SIX4: variants seen among roughly 807,000 people sequenced by gnomAD.
SIX4 encodes SIX homeobox 4, also known as homeobox protein SIX4.
A neutral mutation model predicts 51.5 loss-of-function variants in SIX4; 23 were observed. The observed-to-expected ratio is 0.45, with a 90% CI of 0.32 to 0.63. The LOEUF (loss-of-function observed/expected upper bound fraction) is 0.63. SIX4 is among the 30% of genes least tolerant of loss of function. The pLI, the probability that SIX4 is intolerant of heterozygous loss-of-function variation, is 0.04. For synonymous variants in SIX4, 413 were observed against 417.3 expected (o/e 0.99, Z 0.13); for missense variants, 867 against 984.0 (o/e 0.88, Z 1.59).
Position 60,719,740 on chromosome 14 carries a change from G to A in SIX4, c.1549+20C>T. The A allele has an allele frequency of 6.2e-7, 1 of 1,608,776 alleles. No individual in the cohort carries two copies. The highest frequency in any genetic ancestry group is 8.5e-7 in the Non-Finnish European group (1 of 1,176,858). ...TGAACACATTTGCTGGTGCATTAAG[G>A]TACCAAATGAGATTGTTACCTTGTG... On this transcript the variant is annotated intron_variant, in intron 2 of 2. Transcript: ENST00000216513. This position sits in a 1 kb window ranked among gnomAD's most constrained non-coding sequence, Gnocchi z 4.9.
In SIX4 at chr14:60,713,904, T is replaced by G; in HGVS notation, c.1849A>C (p.Thr617Pro). ...LASSLVNVSP[T>P]HNFSLSPSTL... ...GAGGGACTGAGAGAAAAATTGTGAG[T>G]TGGAGATACATTAACTAATGAGGAG... Residue 617 changes from threonine to proline, a missense_variant, in exon 3 of 3, where the codon ACT (threonine) becomes CCT (proline). Thr to Pro is a conservative substitution (Grantham distance 38). Transcript: ENST00000216513. 1 of 1,614,062 alleles carries G rather than the reference T, an allele frequency of 6.2e-7. No individual in the cohort carries two copies. The highest frequency in any genetic ancestry group is 1.1e-5 in the South Asian group (1 of 91,062).
Position 60,717,577 on chromosome 14 carries a change from A to G in SIX4, c.1549+2183T>C, listed in dbSNP as rs1372254796. 6.6e-6 allele frequency among the ~76,000 whole-genome samples: 1 copy of G among 152,240 alleles called. No individual in the cohort carries two copies. Among genetic ancestry groups the G allele is most frequent in the Non-Finnish European group, 1.5e-5 (1 of 68,034 alleles). On this transcript the variant is annotated intron_variant, in intron 2 of 2. Coordinates refer to ENST00000216513, the MANE Select transcript of SIX4 (RefSeq NM_017420.5). This position sits in a 1 kb window ranked among gnomAD's most constrained non-coding sequence, Gnocchi z 4.6. ...TGAATATAAATACTTCTGAATTTGT[A>G]GAAATTATAACATATATAAAAGAGA...
At position 60,722,218 on chromosome 14, in the gene SIX4, CACAG is replaced by C. The variant is rs1293691385; in HGVS notation, c.863+990_863+993del. Among the ~76,000 whole-genome samples, 2 of 152,224 alleles carry C rather than the reference CACAG, an allele frequency of 1.3e-5. No homozygotes were observed. The highest frequency in any genetic ancestry group is 1.3e-4 in the Admixed American group (2 of 15,288). ...TTACTTTGTTTCGTCCAACAAAACACACAGACGCACACACCAAGTGTCTGACTCG... is the reference window on the plus strand; with the variant it reads ...TTACTTTGTTTCGTCCAACAAAACACACGCACACACCAAGTGTCTGACTCG... On this transcript the variant is annotated intron_variant, in intron 1 of 2. Transcript: ENST00000216513. This position sits in a 1 kb window ranked among gnomAD's most constrained non-coding sequence, Gnocchi z 5.9.
Position 60,723,661 on chromosome 14 carries a change from C to A in SIX4, c.414G>T (p.Gln138His). Residue 138 changes from glutamine to histidine, a missense_variant, in exon 1 of 3, where the codon CAG becomes CAT. Coordinates refer to ENST00000216513, the MANE Select transcript of SIX4 (RefSeq NM_017420.5). ...RLARFLWSLP[Q>H]SDLLRGNESL... ...TCTCGTTGCCACGTAGCAGGTCGCT[C>A]TGGGGCAGGGACCACAGGAACCGGG... The A allele has an allele frequency of 6.3e-7, 1 of 1,588,034 alleles. No individual in the cohort carries two copies. Among genetic ancestry groups the A allele is most frequent in the East Asian group, 2.3e-5 (1 of 43,310 alleles).
chr14:60,714,657 G>C (rs1349793547), intron 2 of SIX4, among the ~76,000 whole-genome samples: 2 of 150,766 alleles, frequency 1.3e-5, no homozygotes, highest in Non-Finnish European at 2.9e-5. Flanking sequence ...CAAAGGTTCT[G>C]TTGCTTATTA....
chr14:60,724,034 G>A lies in SIX4; in HGVS notation c.41C>T (p.Ala14Val). The change falls in exon 1 of 3, where the codon GCG becomes GTG. Residue 14 changes from alanine (A) to valine (V), a missense_variant. Transcript: ENST00000216513. ...SSPTGQIASAADIKQENGMES... is the reference protein window; with the variant it reads ...SSPTGQIASAVDIKQENGMES... ...CATCCCATTCTCTTGCTTGATGTCC[G>A]CCGCACTTGCGATCTGCCCGGTGGG... 2 of 1,528,850 alleles carry A rather than the reference G, an allele frequency of 1.3e-6. No individual in the cohort carries two copies. The allele number at this position is 1,528,850 out of a possible 1,614,324, so 94.7% of individuals were successfully genotyped here.
In SIX4 at chr14:60,720,996, A is replaced by G; in HGVS notation, c.864-551T>C. ...TTTTCTCACCTGCTCCCAAACTTCT[A>G]CTCCACCAGACTGACAACTCTCTCA... On this transcript the variant is annotated intron_variant, in intron 1 of 2. Transcript: ENST00000216513. This position sits in a 1 kb window ranked among gnomAD's most constrained non-coding sequence, Gnocchi z 5.5. 1.0e-6 allele frequency: 1 copy of G among 985,848 alleles called. No homozygotes were observed. Among genetic ancestry groups the G allele is most frequent in the Non-Finnish European group, 1.2e-6 (1 of 830,420 alleles). The allele number at this position is 985,848 out of a possible 1,614,324, so 61.1% of individuals were successfully genotyped here.
intron 1 of SIX4, among the ~76,000 whole-genome samples, chr14:60,721,375 C>A (rs1241687259): frequency 1.3e-5 from 2 of 152,200 alleles, no homozygotes; most frequent in African/African-American, 2.4e-5. Context: ...GGAAGCGCAG[C>A]AGGACTTGGC....
chr14:60,723,165 G>C, intron 1 of SIX4, 47 bp downstream of exon 1: 1 of 1,510,134 alleles, frequency 6.6e-7, no homozygotes, highest in Non-Finnish European at 8.8e-7. Flanking sequence ...AAGCCGGGAA[G>C]GGGGTGGGGG....
chr14:60,713,794 C>CA lies in SIX4; in HGVS notation c.1958dup (p.Thr654AspfsTer7). On this transcript the variant is annotated frameshift_variant, in exon 3 of 3. Transcript: ENST00000216513. LOFTEE classifies it high-confidence loss of function. Reference sequence around the variant, plus strand: ...CATAGTTAGTGTTGCTGACAGATGTCACAGTAGATTTGCTTGCCACCGGTG... The same window carrying CA: ...CATAGTTAGTGTTGCTGACAGATGTCAACAGTAGATTTGCTTGCCACCGGTG... 1 of 1,614,140 alleles carries CA rather than the reference C, an allele frequency of 6.2e-7. No individual in the cohort carries two copies. Among genetic ancestry groups the CA allele is most frequent in the Non-Finnish European group, 8.5e-7 (1 of 1,180,018 alleles).
Position 60,712,824 on chromosome 14 carries a change from C to T in SIX4, c.*583G>A, listed in dbSNP as rs1454057696. On this transcript the variant is annotated 3_prime_UTR_variant, in exon 3 of 3. Transcript: ENST00000216513. ...TAGTGGAGTTCCGCACTTTCTCAGC[C>T]ACACTGAGCTATTAGAAATCACATT... The T allele has an allele frequency of 6.6e-6, 1 of 152,420 alleles. No homozygotes were observed. Among genetic ancestry groups the T allele is most frequent in the East Asian group, 1.9e-4 (1 of 5,198 alleles). 9.4% of individuals were successfully genotyped at this position (152,420 alleles called of 1,614,324 possible). A position where few individuals can be genotyped will look rare whatever the true frequency, so the allele number is the denominator to read the frequency against.
chr14:60,719,280 G>A lies in SIX4; in HGVS notation c.1549+480C>T, dbSNP rs1895975697. On this transcript the variant is annotated intron_variant, in intron 2 of 2. Coordinates refer to ENST00000216513, the MANE Select transcript of SIX4 (RefSeq NM_017420.5). This position sits in a 1 kb window ranked among gnomAD's most constrained non-coding sequence, Gnocchi z 4.9. ...TAGTCTTCATTATAGGAGGAAACAG[G>A]ATTCAAACATAATTGATCCGGTCTT... Among the ~76,000 whole-genome samples the A allele has an allele frequency of 6.6e-6, 1 of 152,136 alleles. No individual in the cohort carries two copies. The highest frequency in any genetic ancestry group is 1.5e-5 in the Non-Finnish European group (1 of 68,022).
intron 2 of SIX4, among the ~76,000 whole-genome samples, chr14:60,716,864 G>T (rs1214664120): frequency 6.6e-6 from 1 of 152,072 alleles, no homozygotes; most frequent in African/African-American, 2.4e-5. Flanking sequence ...ATGTCTTCAA[G>T]TAAAAAGAAA....
Position 60,723,286 on chromosome 14 carries a change from G to C in SIX4, c.789C>G (p.Ser263=), listed in dbSNP as rs1303006057. 1 of 1,613,568 alleles carries C rather than the reference G, an allele frequency of 6.2e-7. No homozygotes were observed. Among genetic ancestry groups the C allele is most frequent in the African/African-American group, 1.3e-5 (1 of 75,034 alleles). ...TGAACCAGTTGCTGACCTGGGTGAGGGAGAGGCCGGTGATCTTGGCCAGGT... is the reference window on the plus strand; with the variant it reads ...TGAACCAGTTGCTGACCTGGGTGAGCGAGAGGCCGGTGATCTTGGCCAGGT... ...KRHLAKITGL[S]LTQVSNWFKN... Residue 263 remains serine (S), a synonymous_variant, in exon 1 of 3, where the codon TCC becomes TCG. Coordinates refer to ENST00000216513, the MANE Select transcript of SIX4 (RefSeq NM_017420.5).
Position 60,724,167 on chromosome 14 carries a change from C to T in SIX4, c.-93G>A. 1.9e-6 allele frequency: 3 copies of T among 1,597,888 alleles called. No individual in the cohort carries two copies. The highest frequency in any genetic ancestry group is 2.6e-6 in the Non-Finnish European group (3 of 1,176,316). On this transcript the variant is annotated 5_prime_UTR_variant, in exon 1 of 3. Coordinates refer to ENST00000216513, the MANE Select transcript of SIX4 (RefSeq NM_017420.5). ...TTACTCCTCCTCCTTCGTCTCCCTC[C>T]CTCCTCTCCCCCTCCGGAAAGCCCA...
chr14:60,720,427 G>C lies in SIX4; in HGVS notation c.882C>G (p.Pro294=), dbSNP rs750285881. The C allele has an allele frequency of 1.2e-6, 2 of 1,613,260 alleles. No individual in the cohort carries two copies. Among genetic ancestry groups the C allele is most frequent in the Non-Finnish European group, 8.5e-7 (1 of 1,179,614 alleles). The change falls in exon 2 of 3, where the codon CCC becomes CCG. Residue 294 remains proline (P), a synonymous_variant. Transcript: ENST00000216513. This position sits in a 1 kb window ranked among gnomAD's most constrained non-coding sequence, Gnocchi z 5.5. ...TQSKSESDGN[P]STEDESSKGH... is the part of the protein sequence containing the mutation. Reference sequence around the variant, plus strand: ...CCTTGCTGGATTCATCTTCAGTGCTGGGGTTGCCATCTGACTCACTGTATG... The same window carrying C: ...CCTTGCTGGATTCATCTTCAGTGCTCGGGTTGCCATCTGACTCACTGTATG...
chr14:60,718,238 A>C (rs1895956117), intron 2 of SIX4, among the ~76,000 whole-genome samples: 3 of 152,304 alleles, frequency 2.0e-5, no homozygotes, highest in South Asian at 4.1e-4. Flanking sequence ...AATGTTGCTT[A>C]CTGGATTAAA....
In SIX4 at chr14:60,713,389, G is replaced by A. The variant is rs368170218; in HGVS notation, c.*18C>T. On this transcript the variant is annotated 3_prime_UTR_variant, in exon 3 of 3. Transcript: ENST00000216513. ...GATTTGCCGCTGATGCCAAAAAGAG[G>A]TGAGGAGGAAATAAAGTTCATAAGT... The A allele has an allele frequency of 7.7e-6, 12 of 1,561,320 alleles. No individual in the cohort carries two copies. The African/African-American group carries it at 1.1e-4, about 14-fold the overall frequency.
In SIX4 at chr14:60,713,430, C is replaced by T. The variant is rs1473257688; in HGVS notation, c.2323G>A (p.Asp775Asn). ...ELAKLQTVQLDEDMQDL is the reference protein window; with the variant it reads ...ELAKLQTVQLNEDMQDL ...GTTCATAAGTCTTGCATATCTTCAT[C>T]CAGCTGGACAGTCTGGAGCTTGGCA... The change falls in exon 3 of 3, where the codon GAT becomes AAT. Residue 775 changes from aspartate (D) to asparagine (N), a missense_variant. By Grantham distance (23) the Asp-to-Asn change is conservative (BLOSUM62 1). Transcript: ENST00000216513. 1 of 1,600,862 alleles carries T rather than the reference C, an allele frequency of 6.2e-7. No homozygotes were observed. The highest frequency in any genetic ancestry group is 8.5e-7 in the Non-Finnish European group (1 of 1,174,786).
Sources: gnomAD v4.1 joint callset for allele counts (sites outside exome capture counted in the v4.1 genomes callset) on GRCh38, gnomAD v4.1.1 for gene constraint, Gnocchi (gnomAD v3.1) non-coding constraint, MANE v1.5 for transcripts, NCBI Gene and HGNC (gene_info 2026-07-23, HGNC 2026-07-21) for gene names.